LMLN: variants seen among roughly 807,000 people sequenced by gnomAD.
The protein encoded by LMLN is leishmanolysin-like peptidase.
In LMLN, 70 loss-of-function variants were observed where a neutral mutation model predicts 92.3. That is an observed-to-expected ratio of 0.76 (90% CI 0.63 to 0.92). LMLN has a LOEUF of 0.92. Among genes scored for constraint, LMLN ranks in the 40% least tolerant of loss-of-function variants. LMLN has a pLI of 0.00. For missense variants in LMLN, 691 were observed against 814.6 expected (o/e 0.85, Z 1.85); for synonymous variants, 308 against 296.2 (o/e 1.04, Z -0.41).
chr3:198,032,580 C>T (rs1025351778), intron 14 of LMLN, among the ~76,000 whole-genome samples: 1 of 152,156 alleles, frequency 6.6e-6, no homozygotes, highest in African/African-American at 2.4e-5. Flanking sequence ...CTTCTGGTGA[C>T]GGCTCAGGAA....
chr3:197,996,996 TTTTCTTTTCTTTTCTTTTCC>T (rs928080773), intron 10 of LMLN, among the ~76,000 whole-genome samples: 2 of 149,454 alleles, frequency 1.3e-5, no homozygotes, highest in African/African-American at 5.1e-5. Flanking sequence ...CTTTTGTTTT[TTTTCTTTTCTTTTCTTTTCC>T]TTTCTTTTCT....
exon 16 of LMLN, chr3:198,041,780 AC>A (rs2109968109): frequency 1.3e-5 from 2 of 152,348 alleles, no homozygotes; most frequent in Non-Finnish European, 2.9e-5. Context: ...GAAGAATTTT[AC>A]CAAAAATACA....
chr3:197,981,129 T>C (rs531596954), intron 6 of LMLN, among the ~76,000 whole-genome samples: 1 of 150,594 alleles, frequency 6.6e-6, no homozygotes, highest in South Asian at 2.1e-4. Context: ...ACAAAATGGC[T>C]GGGCGCGGTG....
At chr3:198,011,917 C>G (rs1035551938) in intron 11 of LMLN, among the ~76,000 whole-genome samples, 3 of 152,148 alleles carry the variant, frequency 2.0e-5, no homozygotes, top group African/African-American at 7.2e-5. Flanking sequence ...GAAAAAGAAA[C>G]TACCATCAGA....
At chr3:197,987,089 C>A (rs1288295830) in intron 8 of LMLN, among the ~76,000 whole-genome samples, 3 of 151,752 alleles carry the variant, frequency 2.0e-5, no homozygotes, top group Non-Finnish European at 4.4e-5. Flanking sequence ...ATCTGCCCGC[C>A]TCGGCCTCCC....
chr3:197,976,065 A>C (rs1560135488), exon 4 of LMLN: 1 of 1,607,384 alleles, frequency 6.2e-7, no homozygotes, highest in Admixed American at 1.7e-5. Flanking sequence ...TTATTTAGAG[A>C]AGACTTTTCA....
intron 8 of LMLN, among the ~76,000 whole-genome samples, chr3:197,986,409 G>C (rs765875002): frequency 3.9e-5 from 6 of 152,186 alleles, no homozygotes; most frequent in Non-Finnish European, 8.8e-5. Flanking sequence ...ACAGTGAGCT[G>C]TGATGACGCA....
chr3:197,968,026 G>T (rs1356340152), intron 1 of LMLN, among the ~76,000 whole-genome samples: 1 of 152,154 alleles, frequency 6.6e-6, no homozygotes, highest in Non-Finnish European at 1.5e-5. Flanking sequence ...TTTTCAAGGT[G>T]CACTGATTTC....
At chr3:198,003,310 A>G (rs1035990893) in intron 11 of LMLN, among the ~76,000 whole-genome samples, 185 bp downstream of exon 12, 1 of 152,216 alleles carries the variant, frequency 6.6e-6, no homozygotes, top group Non-Finnish European at 1.5e-5. Flanking sequence ...GTAGTTTTTA[A>G]TCATATACTA....
intron 11 of LMLN, among the ~76,000 whole-genome samples, chr3:198,006,148 T>C (rs1438506753): frequency 6.6e-6 from 1 of 152,040 alleles, no homozygotes; most frequent in Admixed American, 6.6e-5. Context: ...ACAACAAAAA[T>C]GTTACATGAA....
chr3:198,008,561 A>G (rs1722354378), intron 11 of LMLN, among the ~76,000 whole-genome samples: 1 of 152,160 alleles, frequency 6.6e-6, no homozygotes, highest in East Asian at 1.9e-4. Flanking sequence ...GCCCATCTCT[A>G]CAACAAAATA....
intron 1 of LMLN, among the ~76,000 whole-genome samples, chr3:197,971,260 T>C (rs1012144157): frequency 1.3e-5 from 2 of 152,148 alleles, no homozygotes; most frequent in African/African-American, 4.8e-5. Flanking sequence ...CTCAGGAAAC[T>C]TACAATCATG....
chr3:197,974,243 C>CA, intron 1 of LMLN, 134 bp from the exon 2 acceptor site: 1 of 602,146 alleles, frequency 1.7e-6, no homozygotes, highest in Non-Finnish European at 2.9e-6. Flanking sequence ...AGAATGCTGA[C>CA]ACAGTGGAAT....
chr3:198,010,393 C>T (rs144481849), intron 11 of LMLN, among the ~76,000 whole-genome samples: 9,833 of 152,176 alleles, frequency 0.065, 379 homozygotes, highest in African/African-American at 0.1. Flanking sequence ...AAGTGATCTG[C>T]ATGCCTTGGC....
chr3:197,973,244 A>ATTT (rs11434027), intron 1 of LMLN, among the ~76,000 whole-genome samples: 11 of 142,490 alleles, frequency 7.7e-5, no homozygotes, highest in Non-Finnish European at 1.5e-4. Context: ...GACATTTCTG[A>ATTT]TTTTTTTTTT....
intron 4 of LMLN, 84 bp downstream of exon 4, chr3:197,976,195 A>G: frequency 1.3e-6 from 1 of 775,986 alleles, no homozygotes; most frequent in South Asian, 1.8e-5. Flanking sequence ...AAGGTATGAA[A>G]CTTATACTAG....
At chr3:198,033,812 A>G (rs1412383271) in intron 14 of LMLN, among the ~76,000 whole-genome samples, 1 of 152,236 alleles carries the variant, frequency 6.6e-6, no homozygotes. Context: ...ACGGCGCTTG[A>G]TCAAGTCTCG....
intron 14 of LMLN, among the ~76,000 whole-genome samples, chr3:198,030,078 A>C (rs1374175675): frequency 6.6e-6 from 1 of 152,106 alleles, no homozygotes; most frequent in Non-Finnish European, 1.5e-5. Flanking sequence ...TCCTGACCTC[A>C]AGTGATCTGC....
intron 15 of LMLN, among the ~76,000 whole-genome samples, chr3:198,036,894 G>A (rs1236851062): frequency 6.6e-6 from 1 of 152,102 alleles, no homozygotes; most frequent in Non-Finnish European, 1.5e-5. Context: ...TGTTTTTTAG[G>A]TGGAACTGCA....
Sources: gnomAD v4.1 joint callset for allele counts (sites outside exome capture counted in the v4.1 genomes callset) on GRCh38, gnomAD v4.1.1 for gene constraint, MANE v1.5 for transcripts, NCBI Gene and HGNC (gene_info 2026-07-23, HGNC 2026-07-21) for gene names.